Variants in FNDC1 observed in about 807,000 individuals in gnomAD.
The protein encoded by FNDC1 is fibronectin type III domain-containing protein 1.
Under a neutral mutation model 168.0 loss-of-function variants are expected in FNDC1, and 96 were observed. The observed-to-expected ratio is 0.57, with a 90% CI of 0.48 to 0.68. The LOEUF is 0.68. FNDC1 is among the 30% of genes least tolerant of loss of function. FNDC1 has a pLI of 0.00. For synonymous variants in FNDC1, 1,099 were observed against 1,025.9 expected (o/e 1.07, Z -1.36); for missense variants, 2,587 against 2,482.1 (o/e 1.04, Z -0.90).
At chr6:159,266,040 CT>C in intron 20 of FNDC1, 43 bp from the exon 21 acceptor site, 5 of 1,600,226 alleles carry the variant, frequency 3.1e-6, no homozygotes, top group Non-Finnish European at 4.3e-6. Flanking sequence ...AGAAGACACA[CT>C]GTGGAGTGCT....
intron 2 of FNDC1, among the ~76,000 whole-genome samples, chr6:159,197,949 A>G (rs540984786): frequency 1.3e-5 from 2 of 152,250 alleles, no homozygotes; most frequent in Non-Finnish European, 2.9e-5. Context: ...TCACTGCTAG[A>G]CAACTGAGTG....
chr6:159,265,342 G>A (rs796613163), intron 20 of FNDC1, among the ~76,000 whole-genome samples: 1 of 152,250 alleles, frequency 6.6e-6, no homozygotes, highest in African/African-American at 2.4e-5. Context: ...CAAGTTTTAC[G>A]TTGTTTTTCA....
At chr6:159,265,413 G>A (rs1019694965) in intron 20 of FNDC1, among the ~76,000 whole-genome samples, 1 of 152,174 alleles carries the variant, frequency 6.6e-6, no homozygotes, top group African/African-American at 2.4e-5. Context: ...GGCAAGAAGT[G>A]GAGTCTATGC....
At chr6:159,247,213 T>C (rs1777156355) in intron 15 of FNDC1, among the ~76,000 whole-genome samples, 1 of 152,166 alleles carries the variant, frequency 6.6e-6, no homozygotes. Flanking sequence ...ATCTGGTCCC[T>C]GTGCTCCCCG....
intron 4 of FNDC1, 80 bp downstream of exon 4, chr6:159,200,661 C>T (rs1334862145): frequency 1.1e-5 from 12 of 1,107,574 alleles, no homozygotes; most frequent in African/African-American, 1.6e-5. Flanking sequence ...CCGTCACACA[C>T]ATGTGCTCAC....
intron 1 of FNDC1, among the ~76,000 whole-genome samples, chr6:159,188,845 T>G (rs1286360925): frequency 6.6e-6 from 1 of 151,280 alleles, no homozygotes; most frequent in Non-Finnish European, 1.5e-5. Flanking sequence ...CCTCCCAGGT[T>G]CAAGCGATTA....
At chr6:159,172,195 GA>G (rs2114911921) in intron 1 of FNDC1, among the ~76,000 whole-genome samples, 1 of 152,344 alleles carries the variant, frequency 6.6e-6, no homozygotes, top group African/African-American at 2.4e-5. Flanking sequence ...TACTACTGCT[GA>G]TGACCAAGTT....
At chr6:159,224,038 G>A (rs1229209284) in intron 7 of FNDC1, among the ~76,000 whole-genome samples, 1 of 152,218 alleles carries the variant, frequency 6.6e-6, no homozygotes, top group East Asian at 1.9e-4. Flanking sequence ...CTGTGATCCA[G>A]GAAGAGTCAC....
chr6:159,213,237 G>T (rs914103997), intron 4 of FNDC1, among the ~76,000 whole-genome samples: 1 of 152,134 alleles, frequency 6.6e-6, no homozygotes. Context: ...CTGCTGTTGG[G>T]GTGTGTGGCT....
intron 1 of FNDC1, among the ~76,000 whole-genome samples, chr6:159,190,378 C>T (rs764828066): frequency 6.6e-6 from 1 of 152,222 alleles, no homozygotes; most frequent in Non-Finnish European, 1.5e-5. Context: ...TACCTGGTGG[C>T]ATGAATGGAT....
intron 17 of FNDC1, among the ~76,000 whole-genome samples, chr6:159,252,674 G>C (rs939059939): frequency 2.0e-5 from 3 of 152,176 alleles, no homozygotes; most frequent in Non-Finnish European, 4.4e-5. Context: ...TCAATCAATG[G>C]AAGGAGGCAA....
chr6:159,181,255 A>C (rs1781872076), intron 1 of FNDC1, among the ~76,000 whole-genome samples: 1 of 152,152 alleles, frequency 6.6e-6, no homozygotes, highest in Admixed American at 6.5e-5. Flanking sequence ...TTCAGTAGGC[A>C]AAAGAGTTCA....
chr6:159,215,968 CT>C (rs1310933244), intron 5 of FNDC1, among the ~76,000 whole-genome samples: 95 of 148,116 alleles, frequency 6.4e-4, no homozygotes, highest in Admixed American at 3.4e-3. Context: ...TACATTGTAT[CT>C]TTTTTTTTTT....
intron 1 of FNDC1, among the ~76,000 whole-genome samples, chr6:159,187,008 C>T (rs1782015344): frequency 6.6e-6 from 1 of 152,174 alleles, no homozygotes; most frequent in African/African-American, 2.4e-5. Flanking sequence ...CTGGTGACAA[C>T]CACGGGGAAT....
At position 159,246,981 on chromosome 6, in the gene FNDC1, C is replaced by T. The variant is rs199655383; in HGVS notation, c.4690+12C>T. 1.9e-6 allele frequency: 3 copies of T among 1,579,778 alleles called. No individual in the cohort carries two copies. Among genetic ancestry groups the T allele is most frequent in the East Asian group, 2.2e-5 (1 of 44,732 alleles). On this transcript the variant is annotated intron_variant, in intron 15 of 22. Transcript: ENST00000297267. ...TATATATGATGAAGGTACAAACTGG[C>T]TTTTGAAAAATTATTTGCACACTTT...
chr6:159,187,546 C>G (rs1782029043), intron 1 of FNDC1, among the ~76,000 whole-genome samples: 1 of 152,112 alleles, frequency 6.6e-6, no homozygotes, highest in Non-Finnish European at 1.5e-5. Flanking sequence ...CAGAAGGGGA[C>G]CCAGGGGGTT....
chr6:159,213,767 C>A (rs1353567623), intron 4 of FNDC1, among the ~76,000 whole-genome samples: 1 of 151,800 alleles, frequency 6.6e-6, no homozygotes, highest in Non-Finnish European at 1.5e-5. Flanking sequence ...GTTGAACATA[C>A]CATGGTGTTC....
intron 18 of FNDC1, among the ~76,000 whole-genome samples, chr6:159,258,262 A>G (rs987001899): frequency 1.3e-5 from 2 of 152,232 alleles, no homozygotes; most frequent in Non-Finnish European, 2.9e-5. Flanking sequence ...CCTGCCCTCA[A>G]GGAGCTTACA....
chr6:159,200,840 C>T (rs887848560), intron 4 of FNDC1, among the ~76,000 whole-genome samples: 12 of 152,218 alleles, frequency 7.9e-5, no homozygotes, highest in Non-Finnish European at 1.6e-4. Flanking sequence ...GATATTGTTG[C>T]CCTCTTCATA....
Sources: gnomAD v4.1 joint callset for allele counts (sites outside exome capture counted in the v4.1 genomes callset) on GRCh38, gnomAD v4.1.1 for gene constraint, MANE v1.5 for transcripts, NCBI Gene and HGNC (gene_info 2026-07-23, HGNC 2026-07-21) for gene names.